The following CHRM3 variants were observed in gnomAD, a reference collection of about 807,000 sequenced individuals.
The protein encoded by CHRM3 is muscarinic acetylcholine receptor M3.
Under a neutral mutation model 41.8 loss-of-function variants are expected in CHRM3, and 11 were observed. The observed-to-expected ratio is 0.26, with a 90% CI of 0.17 to 0.44. The LOEUF (loss-of-function observed/expected upper bound fraction) is 0.44, where lower values mean the gene tolerates loss of function less well. Among genes scored for constraint, CHRM3 ranks in the 20% least tolerant of loss-of-function variants. The probability of loss-of-function intolerance (pLI) is 1.00; values close to 1 mark genes in which losing one functional copy is unlikely to be tolerated. For synonymous variants in CHRM3, 297 were observed against 301.4 expected, an observed-to-expected ratio of 0.99 and a Z score of 0.15; for missense variants, 571 against 745.4, an observed-to-expected ratio of 0.77 and a Z score of 2.72.
intron 1 of CHRM3, among the ~76,000 whole-genome samples, chr1:239,466,852 T>G (rs879926457): frequency 9.9e-5 from 15 of 152,146 alleles, no homozygotes; most frequent in Non-Finnish European, 2.1e-4. Flanking sequence ...ACTATCAGTA[T>G]TACACAAATG....
At chr1:239,723,129 A>G (rs1272657520) in intron 5 of CHRM3, among the ~76,000 whole-genome samples, 1 of 151,844 alleles carries the variant, frequency 6.6e-6, no homozygotes, top group Non-Finnish European at 1.5e-5. Flanking sequence ...AATAATATCT[A>G]AACTGGCTTT....
At chr1:239,501,296 A>G (rs906887005) in intron 2 of CHRM3, among the ~76,000 whole-genome samples, 3 of 152,216 alleles carry the variant, frequency 2.0e-5, no homozygotes, top group Non-Finnish European at 4.4e-5. Context: ...TACATACAGA[A>G]CATTTTATCC....
chr1:239,580,564 A>T (rs1397468584), intron 3 of CHRM3, among the ~76,000 whole-genome samples: 1 of 151,484 alleles, frequency 6.6e-6, no homozygotes, highest in Non-Finnish European at 1.5e-5. Flanking sequence ...GTCCTCTAGG[A>T]TTTACCAAAA....
chr1:239,516,796 G>A (rs961493250), intron 2 of CHRM3, among the ~76,000 whole-genome samples: 29 of 152,298 alleles, frequency 1.9e-4, no homozygotes, highest in African/African-American at 6.3e-4. Flanking sequence ...CCTGTTGCTC[G>A]CTTTACTGCC....
rs556760211 is a variant in CHRM3, at chr1:239,848,525, T to C, written c.-20+21147T>C. Among the ~76,000 whole-genome samples the C allele has an allele frequency of 1.6e-4, 25 of 152,272 alleles. 1 individual carries two copies. Among genetic ancestry groups the C allele is most frequent in the Admixed American group, 3.3e-4 (5 of 15,296 alleles). ...GTGATCTATATATGTTGTATATATA[T>C]ATACATTTATATCACTTTATCCTCA... On this transcript the variant is annotated intron_variant, in intron 6 of 6. Coordinates refer to ENST00000676153, the MANE Select transcript of CHRM3 (RefSeq NM_001375978.1).
chr1:239,538,520 G>C (rs552064238), intron 2 of CHRM3, among the ~76,000 whole-genome samples: 5 of 152,280 alleles, frequency 3.3e-5, no homozygotes, highest in Admixed American at 3.3e-4. Context: ...GTTGGAAGTA[G>C]ACTTAATTTA....
intron 1 of CHRM3, among the ~76,000 whole-genome samples, chr1:239,485,285 A>G (rs1242652927): frequency 6.6e-6 from 1 of 152,050 alleles, no homozygotes. Context: ...ACAGGGTATA[A>G]TACTGGCAAA....
At chr1:239,666,886 T>A (rs893403963) in intron 4 of CHRM3, among the ~76,000 whole-genome samples, 4 of 152,158 alleles carry the variant, frequency 2.6e-5, no homozygotes, top group African/African-American at 9.7e-5. Context: ...GAGTACACAA[T>A]GTTTAGCTCC....
intron 3 of CHRM3, among the ~76,000 whole-genome samples, chr1:239,590,667 A>G (rs1471040068): frequency 6.6e-6 from 1 of 152,184 alleles, no homozygotes; most frequent in African/African-American, 2.4e-5. Context: ...GAGGCATTTT[A>G]AACTTGAAGT....
chr1:239,600,105 A>G (rs1479426838), intron 3 of CHRM3, among the ~76,000 whole-genome samples: 3 of 152,146 alleles, frequency 2.0e-5, no homozygotes, highest in Admixed American at 6.5e-5. Flanking sequence ...GAATGCTCCC[A>G]TCTTCTTCAC....
rs10718514 is a variant in CHRM3 at position 239,743,788 on chromosome 1, CTTTTTTTTTTTTTT to C, written c.-147+65509_-147+65522del. ...TTCTTTTTCTTTTTCTTTTTTTTTT[CTTTTTTTTTTTTTT>C]TTTTTTTTGAGGCAGGGTCTCATTC... On this transcript the variant is annotated intron_variant, in intron 5 of 6. Transcript: ENST00000676153. Among the ~76,000 whole-genome samples the C allele has an allele frequency of 1.0e-3, 82 of 81,188 alleles. No homozygotes were observed. In the East Asian group the frequency reaches 0.024, roughly 23 times the overall value. 53.3% of individuals were successfully genotyped at this position (81,188 alleles called of 152,430 possible). A position where few individuals can be genotyped will look rare whatever the true frequency, so the allele number is the denominator to read the frequency against.
intron 5 of CHRM3, among the ~76,000 whole-genome samples, chr1:239,816,724 G>A (rs940029701): frequency 7.2e-6 from 1 of 138,696 alleles, no homozygotes; most frequent in Non-Finnish European, 1.5e-5. Flanking sequence ...GCCTGTCTGT[G>A]CCTCAGTCTT....
chr1:239,620,500 TAGAG>T (rs1360496447), intron 3 of CHRM3, among the ~76,000 whole-genome samples: 1 of 151,792 alleles, frequency 6.6e-6, no homozygotes, highest in African/African-American at 2.4e-5. Context: ...GAGATAGAGA[TAGAG>T]AGAAAGAGGG....
intron 5 of CHRM3, among the ~76,000 whole-genome samples, chr1:239,801,005 A>G (rs901986128): frequency 1.3e-5 from 2 of 152,182 alleles, no homozygotes; most frequent in Admixed American, 6.5e-5. Context: ...TTTAGAGGAA[A>G]AGTTTCAAAA....
chr1:239,399,718 T>C (rs986706862), intron 1 of CHRM3, among the ~76,000 whole-genome samples: 1 of 85,216 alleles, frequency 1.2e-5, no homozygotes, highest in Non-Finnish European at 2.6e-5. Context: ...TGTGTATATA[T>C]ACCACATTTT....
In CHRM3 at chr1:239,428,250, CAGT is replaced by C. The variant is rs959303012; in HGVS notation, c.-521+41026_-521+41028del. 1.5e-4 allele frequency among the ~76,000 whole-genome samples: 23 copies of C among 152,316 alleles called. 1 individual carries two copies. The highest frequency in any genetic ancestry group is 5.3e-4 in the African/African-American group (22 of 41,568). On this transcript the variant is annotated intron_variant, in intron 1 of 6. Transcript: ENST00000676153. ...TTTCTGCAGCTCCCTTAGGGTCTGA[CAGT>C]AGCAGATGCAAGAGCAAGAGTTTGG...
rs2148558639 is a variant in CHRM3, at chr1:239,748,632, T to G, written c.-147+70344T>G. Among the ~76,000 whole-genome samples the G allele has an allele frequency of 6.6e-6, 1 of 152,344 alleles. No individual in the cohort carries two copies. Among genetic ancestry groups the G allele is most frequent in the Non-Finnish European group, 1.5e-5 (1 of 68,018 alleles). On this transcript the variant is annotated intron_variant, in intron 5 of 6. Transcript: ENST00000676153. This position sits in a 1 kb window ranked among gnomAD's most constrained non-coding sequence, Gnocchi z 4.3. ...ATCAATTTGTGTATATCTTGCTTTC[T>G]TGTTACCTCAATGTTAGGAAGGAAG...
intron 2 of CHRM3, among the ~76,000 whole-genome samples, chr1:239,500,861 C>T (rs185360472): frequency 1.3e-5 from 2 of 152,174 alleles, no homozygotes; most frequent in Non-Finnish European, 2.9e-5. Context: ...AACTCACCAA[C>T]CATCTGCTGC....
rs1664232277 is a variant in CHRM3 at position 239,734,434 on chromosome 1, A to T, written c.-147+56146A>T. Among the ~76,000 whole-genome samples the T allele has an allele frequency of 2.0e-5, 3 of 152,108 alleles. No homozygotes were observed. In the South Asian group the frequency reaches 6.2e-4, roughly 31 times the overall value. On this transcript the variant is annotated intron_variant, in intron 5 of 6. Coordinates refer to ENST00000676153, the MANE Select transcript of CHRM3 (RefSeq NM_001375978.1). ...AAGTGTGTTAAAATTCCATGGATTT[A>T]TAATAATAATACAAGAAAATTGGTA...
Sources: gnomAD v4.1 joint callset for allele counts (sites outside exome capture counted in the v4.1 genomes callset) on GRCh38, gnomAD v4.1.1 for gene constraint, Gnocchi (gnomAD v3.1) non-coding constraint, MANE v1.5 for transcripts, NCBI Gene and HGNC (gene_info 2026-07-23, HGNC 2026-07-21) for gene names.